Variants in DAB1 observed in about 807,000 individuals in gnomAD.
DAB1 encodes the protein DAB adaptor protein 1, also known as disabled homolog 1.
In DAB1, 15 loss-of-function variants were observed where a neutral mutation model predicts 64.6. The observed-to-expected ratio is 0.23, with a 90% CI of 0.16 to 0.36. The LOEUF (loss-of-function observed/expected upper bound fraction) is 0.36, where lower values mean the gene tolerates loss of function less well. DAB1 is among the 10% of genes least tolerant of loss of function. The probability of loss-of-function intolerance (pLI) is 1.00; values close to 1 mark genes in which losing one functional copy is unlikely to be tolerated. For synonymous variants in DAB1, 235 were observed against 251.9 expected, an observed-to-expected ratio of 0.93 and a Z score of 0.64; for missense variants, 596 against 706.7, an observed-to-expected ratio of 0.84 and a Z score of 1.78.
intron 1 of DAB1, among the ~76,000 whole-genome samples, chr1:57,338,223 G>C (rs1286010564): frequency 5.3e-5 from 8 of 152,052 alleles, no homozygotes; most frequent in Admixed American, 1.3e-4. Flanking sequence ...GGGCTCAAGA[G>C]ATCTGCCCAC....
At chr1:57,224,569 G>A (rs886934533) in intron 2 of DAB1, among the ~76,000 whole-genome samples, 7 of 152,224 alleles carry the variant, frequency 4.6e-5, no homozygotes, top group African/African-American at 1.7e-4. Flanking sequence ...ATGCCAGGAT[G>A]GGTCATATCA....
At chr1:57,245,483 C>G (rs752028812) in intron 2 of DAB1, among the ~76,000 whole-genome samples, 2 of 152,238 alleles carry the variant, frequency 1.3e-5, no homozygotes, top group African/African-American at 2.4e-5. Context: ...TTCCTGTGTC[C>G]ATGTGTTCTC....
At chr1:58,237,319 C>T (rs984316418) in intron 4 of DAB1, among the ~76,000 whole-genome samples, 1 of 152,134 alleles carries the variant, frequency 6.6e-6, no homozygotes, top group Non-Finnish European at 1.5e-5. Flanking sequence ...ATGTAAGACA[C>T]TATGCTGGGA....
chr1:57,200,867 C>T (rs533700454), intron 2 of DAB1, among the ~76,000 whole-genome samples: 1 of 152,224 alleles, frequency 6.6e-6, no homozygotes, highest in East Asian at 1.9e-4. Context: ...AAAGAAGCTA[C>T]CTGAAGTGAG....
At chr1:58,459,771 G>A (rs181755721) in intron 3 of DAB1, among the ~76,000 whole-genome samples, 1 of 152,230 alleles carries the variant, frequency 6.6e-6, no homozygotes, top group Non-Finnish European at 1.5e-5. Context: ...TGAGGCCAAG[G>A]GTTCAAAACC....
In DAB1 at chr1:56,997,722, C is replaced by G. The variant is rs1490646524; in HGVS notation, c.*422G>C. On this transcript the variant is annotated 3_prime_UTR_variant, in exon 15 of 15. Transcript: ENST00000371236. ...TCAGTTCCAACCCTGTTGTAATCCT[C>G]TGATGCCTGTCACTCCAAATTTGGT... 6.6e-6 allele frequency: 1 copy of G among 152,182 alleles called. No homozygotes were observed. Among genetic ancestry groups the G allele is most frequent in the Admixed American group, 6.5e-5 (1 of 15,280 alleles). 9.4% of individuals were successfully genotyped at this position (152,182 alleles called of 1,614,324 possible).
chr1:57,351,635 TTG>T (rs1045732712), intron 1 of DAB1, among the ~76,000 whole-genome samples: 1 of 151,168 alleles, frequency 6.6e-6, no homozygotes, highest in South Asian at 2.1e-4. Context: ...ACACATAGGG[TTG>T]TGTGTGTGTG....
chr1:58,390,140 G>T (rs61779026), intron 3 of DAB1, among the ~76,000 whole-genome samples: 1 of 152,068 alleles, frequency 6.6e-6, no homozygotes, highest in Non-Finnish European at 1.5e-5. Flanking sequence ...GCTATCTATT[G>T]GTAATAAAAA....
chr1:57,876,497 C>G (rs1644049399), intron 1 of DAB1: 2 of 152,144 alleles, frequency 1.3e-5, no homozygotes. Flanking sequence ...TGGCTTCAGA[C>G]AGAACTGGGA....
At chr1:58,462,574 G>A (rs75256634) in intron 3 of DAB1, 1 of 151,898 alleles carries the variant, frequency 6.6e-6, no homozygotes, top group African/African-American at 2.4e-5. Flanking sequence ...TGTTTTTATT[G>A]GATGAAATCT....
intron 4 of DAB1, among the ~76,000 whole-genome samples, chr1:58,332,253 T>A (rs1662986483): frequency 6.6e-6 from 1 of 152,190 alleles, no homozygotes; most frequent in Non-Finnish European, 1.5e-5. Context: ...GAATTATTTA[T>A]GACCTCACCT....
At chr1:57,365,292 A>G (rs1679897316) in intron 1 of DAB1, among the ~76,000 whole-genome samples, 1 of 142,378 alleles carries the variant, frequency 7.0e-6, no homozygotes, top group Non-Finnish European at 1.5e-5. Flanking sequence ...TTTATATATT[A>G]TATAAAGAAT....
At chr1:57,073,727 C>G (rs1265398291) in intron 4 of DAB1, among the ~76,000 whole-genome samples, 1 of 152,044 alleles carries the variant, frequency 6.6e-6, no homozygotes, top group African/African-American at 2.4e-5. Context: ...GGTCATAAGC[C>G]AAAGCCCTAG....
At chr1:57,029,882 CA>C (rs1191857642) in intron 9 of DAB1, among the ~76,000 whole-genome samples, 1 of 152,188 alleles carries the variant, frequency 6.6e-6, no homozygotes, top group Non-Finnish European at 1.5e-5. Flanking sequence ...TGTCTTGTCT[CA>C]GATGAGACTT....
At chr1:57,633,250 T>C (rs1646012646) in intron 7 of DAB1, among the ~76,000 whole-genome samples, 1 of 152,212 alleles carries the variant, frequency 6.6e-6, no homozygotes. Context: ...ATGACACTTC[T>C]CATTCAGGAA....
chr1:57,637,669 A>C (rs967816740), intron 7 of DAB1, among the ~76,000 whole-genome samples: 3 of 152,174 alleles, frequency 2.0e-5, no homozygotes, highest in African/African-American at 7.2e-5. Context: ...TGTATTAGGG[A>C]GCATGAATCA....
intron 2 of DAB1, among the ~76,000 whole-genome samples, chr1:57,232,875 C>T (rs115916538): frequency 0.016 from 2,499 of 152,196 alleles, 52 homozygotes; most frequent in African/African-American, 0.058. Context: ...ACAGCAAGTG[C>T]CATATAAATT....
At chr1:58,266,038 C>CCACCACCA (rs1661151259) in intron 4 of DAB1, among the ~76,000 whole-genome samples, 1 of 150,076 alleles carries the variant, frequency 6.7e-6, no homozygotes, top group Non-Finnish European at 1.5e-5. Flanking sequence ...ACACATACAC[C>CCACCACCA]CCACCACCAC....
chr1:57,062,018 A>G (rs1356370057), intron 9 of DAB1, among the ~76,000 whole-genome samples: 1 of 152,310 alleles, frequency 6.6e-6, no homozygotes, highest in Middle Eastern at 3.4e-3. Context: ...CCCCCTGCTC[A>G]AGAGCCTTCA....
Sources: gnomAD v4.1 joint callset for allele counts (sites outside exome capture counted in the v4.1 genomes callset) on GRCh38, gnomAD v4.1.1 for gene constraint, MANE v1.5 for transcripts, NCBI Gene and HGNC (gene_info 2026-07-23, HGNC 2026-07-21) for gene names.